Variants in RIC8B observed in about 807,000 individuals in gnomAD.
RIC8B encodes the protein RIC8 guanine nucleotide exchange factor B, also known as chaperone Ric-8B.
RIC8B carries 16 observed loss-of-function variants against 57.5 expected under a neutral mutation model. The ratio of observed to expected loss-of-function variants is 0.28; its 90% CI spans 0.19 to 0.42. The LOEUF is 0.42. RIC8B is among the 10% of genes least tolerant of loss of function. The probability of loss-of-function intolerance (pLI) is 1.00; values close to 1 mark genes in which losing one functional copy is unlikely to be tolerated. For synonymous variants in RIC8B, 216 were observed against 250.8 expected (o/e 0.86, Z 1.31); for missense variants, 481 against 677.0 (o/e 0.71, Z 3.21).
chr12:106,794,021 A>G (rs1368173363), intron 2 of RIC8B, among the ~76,000 whole-genome samples: 1 of 152,186 alleles, frequency 6.6e-6, no homozygotes, highest in African/African-American at 2.4e-5. Flanking sequence ...TTATAAATAT[A>G]TTCAGAGAAC....
intron 7 of RIC8B, among the ~76,000 whole-genome samples, chr12:106,854,294 G>T (rs191135472): frequency 6.6e-6 from 1 of 151,748 alleles, no homozygotes; most frequent in African/African-American, 2.4e-5. Flanking sequence ...TTTGGAATTT[G>T]GGTTTGGAGG....
chr12:106,806,019 G>A (rs1032541896), intron 2 of RIC8B, among the ~76,000 whole-genome samples: 6 of 151,944 alleles, frequency 3.9e-5, no homozygotes, highest in Admixed American at 6.6e-5. Flanking sequence ...GTGCGATCTC[G>A]GCTCACAGCA....
At chr12:106,851,308 A>G in intron 6 of RIC8B, 142 bp from the exon 7 acceptor site, 1 of 671,108 alleles carries the variant, frequency 1.5e-6, no homozygotes, top group Non-Finnish European at 2.4e-6. Context: ...TTTACTTGGA[A>G]GCTAACCTTT....
chr12:106,826,517 T>G (rs767096223), intron 4 of RIC8B, among the ~76,000 whole-genome samples: 1 of 150,824 alleles, frequency 6.6e-6, no homozygotes, highest in Non-Finnish European at 1.5e-5. Context: ...ACTTTGGGAG[T>G]CCAAGGCCGG....
chr12:106,828,373 G>A (rs928474526), intron 4 of RIC8B, among the ~76,000 whole-genome samples: 5 of 152,174 alleles, frequency 3.3e-5, no homozygotes, highest in African/African-American at 1.2e-4. Context: ...GCTATTTTAG[G>A]AAGCTTCTGT....
intron 4 of RIC8B, among the ~76,000 whole-genome samples, chr12:106,837,634 C>CTTTT (rs1298629651): frequency 4.9e-4 from 60 of 122,146 alleles, no homozygotes; most frequent in South Asian, 3.1e-3. Flanking sequence ...ATCTGAAAAT[C>CTTTT]TTTTGTTTTT....
At chr12:106,837,788 C>T (rs950112155) in intron 4 of RIC8B, among the ~76,000 whole-genome samples, 8 of 151,912 alleles carry the variant, frequency 5.3e-5, no homozygotes, top group East Asian at 1.9e-4. Context: ...ATTACAGGCA[C>T]GCGCCAGCAT....
chr12:106,806,278 C>A (rs11113119), intron 2 of RIC8B, among the ~76,000 whole-genome samples: 58,014 of 152,022 alleles, frequency 0.38, 11,257 homozygotes, highest in African/African-American at 0.44. Context: ...GCCATTTGTG[C>A]TCTAGCATTG....
intron 7 of RIC8B, among the ~76,000 whole-genome samples, chr12:106,853,689 G>A (rs61943314): frequency 0.091 from 13,811 of 151,514 alleles, 763 homozygotes; most frequent in South Asian, 0.16. Flanking sequence ...GGATGGTCTC[G>A]AACTCCTGTC....
intron 2 of RIC8B, among the ~76,000 whole-genome samples, 199 bp downstream of exon 2, chr12:106,784,243 T>C (rs1388658416): frequency 6.6e-6 from 1 of 152,214 alleles, no homozygotes; most frequent in Non-Finnish European, 1.5e-5. Flanking sequence ...TCCTTTGTCC[T>C]CGCAGGACTA....
intron 1 of RIC8B, among the ~76,000 whole-genome samples, chr12:106,775,072 C>T (rs943009118): frequency 5.3e-5 from 8 of 152,200 alleles, no homozygotes; most frequent in Non-Finnish European, 1.0e-4. Context: ...GACCTCCGGT[C>T]CTCCTCTCAA....
intron 3 of RIC8B, among the ~76,000 whole-genome samples, chr12:106,819,891 CTT>C (rs1281287969): frequency 6.6e-6 from 1 of 151,680 alleles, no homozygotes; most frequent in Non-Finnish European, 1.5e-5. Flanking sequence ...TTTGAAGACA[CTT>C]AGATTGTTTG....
rs1951273056 is a variant in RIC8B, at chr12:106,888,485, G to A, written c.*2470G>A. On this transcript the variant is annotated 3_prime_UTR_variant, in exon 10 of 10. Transcript: ENST00000392837. ...CAGCAAGGAAGAGTCCAACTCTGGTGGCCTGACTCCCAGCACCACTCCTTC... is the reference window on the plus strand; with the variant it reads ...CAGCAAGGAAGAGTCCAACTCTGGTAGCCTGACTCCCAGCACCACTCCTTC... 1 of 152,748 alleles carries A rather than the reference G, an allele frequency of 6.5e-6. No homozygotes were observed. The highest frequency in any genetic ancestry group is 6.5e-5 in the Admixed American group (1 of 15,272). The allele number at this position is 152,748 out of a possible 1,614,324, so 9.5% of individuals were successfully genotyped here. A position where few individuals can be genotyped will look rare whatever the true frequency, so the allele number is the denominator to read the frequency against.
intron 7 of RIC8B, among the ~76,000 whole-genome samples, chr12:106,856,912 A>C (rs1046851129): frequency 6.6e-6 from 1 of 152,190 alleles, no homozygotes; most frequent in Non-Finnish European, 1.5e-5. Flanking sequence ...TGCTATGGCA[A>C]CCTGGAAGAG....
Position 106,879,943 on chromosome 12 carries a change from T to C in RIC8B, c.1572-5961T>C, listed in dbSNP as rs1398037024. On this transcript the variant is annotated intron_variant, in intron 9 of 9. Transcript: ENST00000392837. This position sits in a 1 kb window ranked among gnomAD's most constrained non-coding sequence, Gnocchi z 4.9. ...TTGTGTTAAGGCCTGTGTGTAGCAT[T>C]GAAGGTAAGTATGAAGGAGTTGTTG... 1.0e-6 allele frequency: 1 copy of C among 985,298 alleles called. No homozygotes were observed. Among genetic ancestry groups the C allele is most frequent in the East Asian group, 1.1e-4 (1 of 8,832 alleles). 61.0% of individuals were successfully genotyped at this position (985,298 alleles called of 1,614,324 possible). A position where few individuals can be genotyped will look rare whatever the true frequency, so the allele number is the denominator to read the frequency against.
Position 106,860,382 on chromosome 12 carries a change from A to C in RIC8B, c.1421A>C (p.Asp474Ala). 1 of 1,586,864 alleles carries C rather than the reference A, an allele frequency of 6.3e-7. No individual in the cohort carries two copies. Among genetic ancestry groups the C allele is most frequent in the Non-Finnish European group, 8.6e-7 (1 of 1,168,002 alleles). Residue 474 changes from aspartate to alanine, a missense_variant, in exon 8 of 10, where the codon GAC (aspartate) becomes GCC (alanine). Transcript: ENST00000392837. ...DNWYSEDEDT[D>A]TEEYKNAKPN... ...TGGTACTCAGAGGATGAGGACACAG[A>C]CACTGAAGAATACAAAAATGCAAAA...
intron 9 of RIC8B, among the ~76,000 whole-genome samples, chr12:106,875,283 T>C (rs940451222): frequency 2.6e-5 from 4 of 152,160 alleles, no homozygotes; most frequent in Non-Finnish European, 4.4e-5. Flanking sequence ...CATTTTTTAA[T>C]GTGAGGGCAG....
chr12:106,841,548 T>C (rs1482428728), intron 4 of RIC8B, among the ~76,000 whole-genome samples: 2 of 152,194 alleles, frequency 1.3e-5, no homozygotes, highest in African/African-American at 2.4e-5. Flanking sequence ...TAGTATCAGA[T>C]AGATTAAGCT....
intron 9 of RIC8B, among the ~76,000 whole-genome samples, chr12:106,873,707 C>T (rs1327002217): frequency 1.3e-5 from 2 of 152,082 alleles, no homozygotes; most frequent in East Asian, 3.9e-4. Flanking sequence ...GTAATCTAGT[C>T]TAGAATACAA....
Sources: allele counts gnomAD v4.1 joint callset (sites outside exome capture counted in the v4.1 genomes callset), GRCh38; gene constraint gnomAD v4.1.1; non-coding constraint Gnocchi (gnomAD v3.1); transcripts MANE v1.5; gene names NCBI Gene and HGNC (gene_info 2026-07-23, HGNC 2026-07-21).